Variants in MKLN1 observed in about 807,000 individuals in gnomAD.
The protein encoded by MKLN1 is muskelin 1.
In MKLN1, 18 loss-of-function variants were observed where a neutral mutation model predicts 99.0. The observed-to-expected ratio is 0.18, with a 90% CI of 0.13 to 0.27. The LOEUF (loss-of-function observed/expected upper bound fraction) is 0.27, where lower values mean the gene tolerates loss of function less well. Among genes scored for constraint, MKLN1 ranks in the 10% least tolerant of loss-of-function variants. MKLN1 has a pLI of 1.00. For missense variants in MKLN1, 621 were observed against 875.9 expected, an observed-to-expected ratio of 0.71 and a Z score of 3.67; for synonymous variants, 288 against 293.2, an observed-to-expected ratio of 0.98 and a Z score of 0.18.
chr7:131,443,277 C>T (rs547939591), intron 10 of MKLN1, among the ~76,000 whole-genome samples: 36 of 152,268 alleles, frequency 2.4e-4, no homozygotes, highest in Non-Finnish European at 3.7e-4. Context: ...TTTATTCCAA[C>T]ATGTTTTTAC....
chr7:131,362,129 A>G (rs953749684), intron 1 of MKLN1, among the ~76,000 whole-genome samples: 2 of 152,064 alleles, frequency 1.3e-5, no homozygotes, highest in Admixed American at 1.3e-4. Flanking sequence ...TGAGTATAAA[A>G]TACCTGTTTA....
rs1052136877 is a variant in MKLN1 at position 131,308,258 on chromosome 7, G to A, written c.-178-67166G>A. Among the ~76,000 whole-genome samples, 13 of 147,068 alleles carry A rather than the reference G, an allele frequency of 8.8e-5. No individual in the cohort carries two copies. In the Middle Eastern group the frequency reaches 0.011, roughly 120 times the overall value. On this transcript the variant is annotated intron_variant, in intron 3 of 7. Coordinates refer to the MKLN1 transcript ENST00000416992. ...TTCTTCTTAAATTACCCAGTCTCAC[G>A]TAGTTTTTTTTTTTTTTTTTTGAGA...
rs973864228 is a variant in MKLN1, at chr7:131,411,204, A to T, written c.704-102A>T. On this transcript the variant is annotated intron_variant, in intron 6 of 17. Coordinates refer to ENST00000352689, the MANE Select transcript of MKLN1 (RefSeq NM_013255.5). ...TGTGCTTTTGTATTAGTGACATATT[A>T]GTAATTTCTTTTAATGTAGCCTTTT... 1.8e-5 allele frequency: 11 copies of T among 624,338 alleles called. No individual in the cohort carries two copies. In the African/African-American group the frequency reaches 1.9e-4, roughly 11 times the overall value. The allele number at this position is 624,338 out of a possible 1,614,324, so 38.7% of individuals were successfully genotyped here.
chr7:131,169,268 A>G (rs1796181826), intron 2 of MKLN1, among the ~76,000 whole-genome samples: 1 of 152,234 alleles, frequency 6.6e-6, no homozygotes, highest in South Asian at 2.1e-4. Flanking sequence ...GCCTAAGTTA[A>G]CTTATTATAT....
chr7:131,437,472 C>T (rs1431092861), intron 9 of MKLN1, among the ~76,000 whole-genome samples: 1 of 152,092 alleles, frequency 6.6e-6, no homozygotes, highest in East Asian at 1.9e-4. Flanking sequence ...AAATGCAGTG[C>T]AGTATATGGT....
chr7:131,404,696 C>T (rs1563331974), intron 6 of MKLN1, among the ~76,000 whole-genome samples: 4 of 152,112 alleles, frequency 2.6e-5, no homozygotes, highest in Non-Finnish European at 5.9e-5. Flanking sequence ...CCTTGACCTC[C>T]CTGGGCTCAA....
chr7:131,416,979 C>CAAAAAAAAAAAAAAAAAAAAAAAA (rs374145180), intron 8 of MKLN1, among the ~76,000 whole-genome samples: 1 of 49,564 alleles, frequency 2.0e-5, no homozygotes, highest in African/African-American at 6.3e-5. Context: ...GCAACCCTGT[C>CAAAAAAAAAAAAAAAAAAAAAAAA]AAAAAAAAAA....
chr7:131,380,429 A>C (rs1321758186), intron 2 of MKLN1, among the ~76,000 whole-genome samples: 1 of 152,242 alleles, frequency 6.6e-6, no homozygotes, highest in Non-Finnish European at 1.5e-5. Context: ...ACTGTATTAA[A>C]AAATACCAAC....
intron 1 of MKLN1, among the ~76,000 whole-genome samples, chr7:131,133,820 G>A (rs4731754): frequency 4.2e-5 from 1 of 24,062 alleles, no homozygotes; most frequent in Non-Finnish European, 7.5e-5. Context: ...TTTTAATTTG[G>A]TTTTTTTTTT....
intron 1 of MKLN1, among the ~76,000 whole-genome samples, chr7:131,114,359 C>G (rs1184650561): frequency 1.3e-5 from 2 of 152,090 alleles, no homozygotes; most frequent in East Asian, 3.9e-4. Flanking sequence ...GTGAAGCTGT[C>G]TACTACATAA....
Position 131,487,547 on chromosome 7 carries a change from C to A in MKLN1, c.2087-60C>A. On this transcript the variant is annotated intron_variant, in intron 17 of 17. Transcript: ENST00000352689. This position sits in a 1 kb window ranked among gnomAD's most constrained non-coding sequence, Gnocchi z 4.7. Reference sequence around the variant, plus strand: ...TAAAATACATTGCTGCTGGTCTCAACTAGTTTTTCTGTTACATGTTTTAAA... The same window carrying A: ...TAAAATACATTGCTGCTGGTCTCAAATAGTTTTTCTGTTACATGTTTTAAA... 6.4e-7 allele frequency: 1 copy of A among 1,560,572 alleles called. No individual in the cohort carries two copies. Among genetic ancestry groups the A allele is most frequent in the South Asian group, 1.2e-5 (1 of 84,390 alleles).
At chr7:131,353,763 C>A (rs1584639254) in intron 1 of MKLN1, among the ~76,000 whole-genome samples, 1 of 149,036 alleles carries the variant, frequency 6.7e-6, no homozygotes, top group African/African-American at 2.4e-5. Flanking sequence ...TTTACATTTT[C>A]ATTCATGATT....
At chr7:131,384,593 GTT>G (rs1212760384) in intron 2 of MKLN1, among the ~76,000 whole-genome samples, 1 of 152,100 alleles carries the variant, frequency 6.6e-6, no homozygotes, top group African/African-American at 2.4e-5. Flanking sequence ...AATTTCTGTT[GTT>G]TTAAAGCCAT....
chr7:131,401,557 C>T (rs1315746041), intron 6 of MKLN1, among the ~76,000 whole-genome samples: 2 of 152,072 alleles, frequency 1.3e-5, no homozygotes, highest in Non-Finnish European at 2.9e-5. Flanking sequence ...TACCTTTCTC[C>T]CTTTGTCTTT....
At chr7:131,263,311 C>A (rs970758623) in intron 3 of MKLN1, among the ~76,000 whole-genome samples, 3 of 150,340 alleles carry the variant, frequency 2.0e-5, no homozygotes, top group African/African-American at 7.3e-5. Flanking sequence ...CAAGACCAGC[C>A]TGGACAATAT....
chr7:131,226,619 T>G (rs1420451749), intron 3 of MKLN1, among the ~76,000 whole-genome samples: 1 of 152,130 alleles, frequency 6.6e-6, no homozygotes, highest in Non-Finnish European at 1.5e-5. Flanking sequence ...CTATTGGAGT[T>G]TTTTCTATGT....
At chr7:131,243,018 C>T in intron 3 of MKLN1, 1 of 562,178 alleles carries the variant, frequency 1.8e-6, no homozygotes, top group South Asian at 1.5e-5. Flanking sequence ...TCGTTTTGGT[C>T]ATTAAAAATT....
At chr7:131,298,023 C>T (rs570294411) in intron 3 of MKLN1, among the ~76,000 whole-genome samples, 14 of 152,306 alleles carry the variant, frequency 9.2e-5, no homozygotes, top group African/African-American at 3.1e-4. Context: ...GTGGCTCACG[C>T]CTGTAATCTC....
rs983302333 is a variant in MKLN1 at position 131,494,218 on chromosome 7, A to G, written c.*6490A>G. On this transcript the variant is annotated 3_prime_UTR_variant, in exon 18 of 18. Coordinates refer to ENST00000352689, the MANE Select transcript of MKLN1 (RefSeq NM_013255.5). The stretch of plus-strand genomic sequence containing the variant: ...TAATGAGATCTGGGTTTGGCATTAG[A>G]AGTATTTCATAATTTTGGTTTTTTA... 1 of 152,204 alleles carries G rather than the reference A, an allele frequency of 6.6e-6. No homozygotes were observed. The highest frequency in any genetic ancestry group is 2.4e-5 in the African/African-American group (1 of 41,454). The allele number at this position is 152,204 out of a possible 1,614,324, so 9.4% of individuals were successfully genotyped here.
Sources: gnomAD v4.1 joint callset for allele counts (sites outside exome capture counted in the v4.1 genomes callset) on GRCh38, gnomAD v4.1.1 for gene constraint, Gnocchi (gnomAD v3.1) non-coding constraint, MANE v1.5 for transcripts, NCBI Gene and HGNC (gene_info 2026-07-23, HGNC 2026-07-21) for gene names.